The following PPP2R2C variants were observed in gnomAD, a reference collection of about 807,000 sequenced individuals.
PPP2R2C encodes protein phosphatase 2, regulatory subunit B, gamma.
In PPP2R2C, 10 loss-of-function variants were observed where a neutral mutation model predicts 45.3. That is an observed-to-expected ratio of 0.22 (90% CI 0.14 to 0.37). The LOEUF (loss-of-function observed/expected upper bound fraction) is 0.37. Ranked by LOEUF, PPP2R2C falls within the 10% of genes least tolerant of loss-of-function variation. The pLI is 1.00. For missense variants in PPP2R2C, 308 were observed against 619.7 expected (o/e 0.50, Z 5.34); for synonymous variants, 257 against 245.4 (o/e 1.05, Z -0.44).
intron 1 of PPP2R2C, among the ~76,000 whole-genome samples, chr4:6,546,594 C>G (rs574554379): frequency 6.6e-6 from 1 of 152,334 alleles, no homozygotes; most frequent in Non-Finnish European, 1.5e-5. Flanking sequence ...AGCATCTCAG[C>G]CGTCCCTTCT....
chr4:6,403,849 T>A (rs1456618102), intron 1 of PPP2R2C, among the ~76,000 whole-genome samples: 2 of 136,530 alleles, frequency 1.5e-5, no homozygotes, highest in South Asian at 4.9e-4. Flanking sequence ...GGTGACAGAG[T>A]GAAACTCCGC....
chr4:6,396,592 C>T (rs1462530010), intron 1 of PPP2R2C, among the ~76,000 whole-genome samples: 1 of 152,272 alleles, frequency 6.6e-6, no homozygotes, highest in Non-Finnish European at 1.5e-5. Flanking sequence ...GCACCCCTCA[C>T]ACTTGCGTAT....
chr4:6,447,291 C>T (rs1459225935), intron 1 of PPP2R2C, among the ~76,000 whole-genome samples: 1 of 152,146 alleles, frequency 6.6e-6, no homozygotes, highest in African/African-American at 2.4e-5. Context: ...TCCGTGGGGA[C>T]ACGCTGCCAC....
At chr4:6,542,350 T>C (rs1005662652) in intron 1 of PPP2R2C, among the ~76,000 whole-genome samples, 1 of 152,198 alleles carries the variant, frequency 6.6e-6, no homozygotes, top group Non-Finnish European at 1.5e-5. Flanking sequence ...CAACATTAAC[T>C]AAGGAAGAAT....
chr4:6,343,426 G>A (rs1711527950), intron 6 of PPP2R2C, among the ~76,000 whole-genome samples: 1 of 152,148 alleles, frequency 6.6e-6, no homozygotes, highest in Admixed American at 6.5e-5. Context: ...AATCAAAAAA[G>A]AAATTAAGCT....
chr4:6,507,787 CA>C, intron 2 of PPP2R2C, among the ~76,000 whole-genome samples: 1 of 152,362 alleles, frequency 6.6e-6, no homozygotes, highest in East Asian at 1.9e-4. Flanking sequence ...GCCCACTCCT[CA>C]TGTCTTCACT....
At chr4:6,381,372 A>AAAGCC in intron 1 of PPP2R2C, 1 of 1,484,184 alleles carries the variant, frequency 6.7e-7, no homozygotes, top group Non-Finnish European at 9.0e-7. Context: ...CTTTATAGTA[A>AAAGCC]CTGGACACTC....
intron 1 of PPP2R2C, among the ~76,000 whole-genome samples, chr4:6,415,740 A>G (rs1718534591): frequency 6.6e-6 from 1 of 152,206 alleles, no homozygotes; most frequent in Non-Finnish European, 1.5e-5. Context: ...CAGGAGGGGA[A>G]CTGAAGGTCA....
chr4:6,478,655 G>A (rs958056170), intron 2 of PPP2R2C, among the ~76,000 whole-genome samples: 1 of 152,224 alleles, frequency 6.6e-6, no homozygotes, highest in African/African-American at 2.4e-5. Context: ...GCCAGCTGGT[G>A]GCTGAGCACT....
At chr4:6,445,622 G>A (rs763237958) in intron 1 of PPP2R2C, among the ~76,000 whole-genome samples, 34 of 152,248 alleles carry the variant, frequency 2.2e-4, no homozygotes, top group African/African-American at 7.5e-4. Flanking sequence ...GGGAGGCCCC[G>A]GCAGGGGGAT....
At chr4:6,416,434 G>C (rs969529799) in intron 1 of PPP2R2C, among the ~76,000 whole-genome samples, 2 of 152,172 alleles carry the variant, frequency 1.3e-5, no homozygotes, top group African/African-American at 2.4e-5. Context: ...CACAACCTGC[G>C]GATGTCCCTC....
At chr4:6,493,999 A>C (rs1198779002) in intron 2 of PPP2R2C, among the ~76,000 whole-genome samples, 1 of 152,194 alleles carries the variant, frequency 6.6e-6, no homozygotes, top group African/African-American at 2.4e-5. Flanking sequence ...CCTCGGCTAC[A>C]CCCAGCTTCG....
chr4:6,466,065 C>T (rs73207850), intron 1 of PPP2R2C, among the ~76,000 whole-genome samples: 2 of 152,202 alleles, frequency 1.3e-5, no homozygotes, highest in Non-Finnish European at 2.9e-5. Flanking sequence ...GAAGTCACTG[C>T]ATGAGAACAT....
In PPP2R2C at chr4:6,533,827, G is replaced by A. The variant is rs192333541; in HGVS notation, c.49+1444C>T. ...TACAGGCCCGTCGACCCGGGTGGCCGTTACATAGCAGGCTGCTCGGTGAAA... is the reference window on the plus strand; with the variant it reads ...TACAGGCCCGTCGACCCGGGTGGCCATTACATAGCAGGCTGCTCGGTGAAA... On this transcript the variant is annotated intron_variant, in intron 2 of 9. Transcript: ENST00000506140. Among the ~76,000 whole-genome samples the A allele has an allele frequency of 2.0e-3, 308 of 152,160 alleles. 1 individual carries two copies. The highest frequency in any genetic ancestry group is 3.0e-3 in the Non-Finnish European group (202 of 67,992).
At chr4:6,534,664 C>T (rs947051327) in intron 2 of PPP2R2C, among the ~76,000 whole-genome samples, 3 of 152,082 alleles carry the variant, frequency 2.0e-5, no homozygotes, top group African/African-American at 7.2e-5. Context: ...AAGAGATACA[C>T]ACCAACACAC....
At chr4:6,558,984 G>A (rs775563231) in intron 1 of PPP2R2C, among the ~76,000 whole-genome samples, 1 of 152,198 alleles carries the variant, frequency 6.6e-6, no homozygotes, top group Non-Finnish European at 1.5e-5. Flanking sequence ...CCAGCCTCCA[G>A]CCAGGAGTGC....
At chr4:6,432,989 T>C (rs1328048288) in intron 1 of PPP2R2C, among the ~76,000 whole-genome samples, 1 of 152,184 alleles carries the variant, frequency 6.6e-6, no homozygotes, top group African/African-American at 2.4e-5. Context: ...GAAAATATAT[T>C]TCCTCTTCCT....
At chr4:6,419,298 TGCCTGTAATCCCA>T (rs1718810126) in intron 1 of PPP2R2C, among the ~76,000 whole-genome samples, 1 of 152,048 alleles carries the variant, frequency 6.6e-6, no homozygotes, top group Non-Finnish European at 1.5e-5. Context: ...TGGTGGCATG[TGCCTGTAATCCCA>T]GCTACTCGGG....
rs112182178 is a variant in PPP2R2C, at chr4:6,542,709, A to AAAAAAAAAAAAAAAAAAG, written c.-58-7333_-58-7332insCTTTTTTTTTTTTTTTTT. Among the ~76,000 whole-genome samples, 90 of 127,812 alleles carry AAAAAAAAAAAAAAAAAAG rather than the reference A, an allele frequency of 7.0e-4. 1 individual carries two copies. The highest frequency in any genetic ancestry group is 3.5e-3 in the East Asian group (15 of 4,244). 83.8% of individuals were successfully genotyped at this position (127,812 alleles called of 152,430 possible). ...CAGAGCAAGACTCTGTCTCAAAAAA[A>AAAAAAAAAAAAAAAAAAG]AAAAAGAAAAAGAAAAAAAGATCAT... On this transcript the variant is annotated intron_variant, in intron 1 of 9. Transcript: ENST00000506140.
Sources: allele counts gnomAD v4.1 joint callset (sites outside exome capture counted in the v4.1 genomes callset), GRCh38; gene constraint gnomAD v4.1.1; transcripts MANE v1.5; gene names NCBI Gene and HGNC (gene_info 2026-07-23, HGNC 2026-07-21).